CAMTA1: variants seen among roughly 807,000 people sequenced by gnomAD.
CAMTA1 encodes the protein calmodulin binding transcription activator 1.
In CAMTA1, 27 loss-of-function variants were observed where a neutral mutation model predicts 170.9. That is an observed-to-expected ratio of 0.16 (90% CI 0.12 to 0.22). The LOEUF is 0.22. Ranked by LOEUF, CAMTA1 falls within the 10% of genes least tolerant of loss-of-function variation. The pLI is 1.00. For synonymous variants in CAMTA1, 833 were observed against 891.5 expected (o/e 0.93, Z 1.17); for missense variants, 1,619 against 2,217.2 (o/e 0.73, Z 5.42).
In CAMTA1 at chr1:7,063,846, G is replaced by A. The variant is rs960893761; in HGVS notation, c.235-27458G>A. ...TTCTGCCTCCTGAAGTTCATATTTTGTTGGGGGAGAGAGAAAAATAAATTC... is the reference window on the plus strand; with the variant it reads ...TTCTGCCTCCTGAAGTTCATATTTTATTGGGGGAGAGAGAAAAATAAATTC... On this transcript the variant is annotated intron_variant, in intron 3 of 22. Transcript: ENST00000303635. The surrounding 1 kb of genome is among the most constrained non-coding windows in gnomAD (Gnocchi z 4.3). Among the ~76,000 whole-genome samples the A allele has an allele frequency of 6.6e-6, 1 of 152,174 alleles. No homozygotes were observed. Among genetic ancestry groups the A allele is most frequent in the African/African-American group, 2.4e-5 (1 of 41,436 alleles).
chr1:7,419,338 G>A (rs1046431473), intron 5 of CAMTA1, among the ~76,000 whole-genome samples: 2 of 152,190 alleles, frequency 1.3e-5, no homozygotes, highest in South Asian at 4.2e-4. Context: ...TGTATTTTTA[G>A]TAGAGATAGA....
intron 6 of CAMTA1, among the ~76,000 whole-genome samples, chr1:7,468,321 C>T (rs1378525596): frequency 6.6e-6 from 1 of 152,252 alleles, no homozygotes; most frequent in African/African-American, 2.4e-5. Context: ...TTGCCAGGCA[C>T]AGCTGGATTG....
rs147480601 is a variant in CAMTA1, at chr1:7,032,019, G to A, written c.235-59285G>A. ...CCTGCTCTGTTGCCTGGGCTGAAGTGCAGTGGCATGATCTTGGCTCACTGC... is the reference window on the plus strand; with the variant it reads ...CCTGCTCTGTTGCCTGGGCTGAAGTACAGTGGCATGATCTTGGCTCACTGC... On this transcript the variant is annotated intron_variant, in intron 3 of 22. Coordinates refer to ENST00000303635, the MANE Select transcript of CAMTA1 (RefSeq NM_015215.4). Among the ~76,000 whole-genome samples the A allele has an allele frequency of 5.1e-3, 780 of 152,086 alleles. 7 individuals are homozygous for A. Among genetic ancestry groups the A allele is most frequent in the African/African-American group, 0.018 (735 of 41,462 alleles).
At chr1:7,477,847 C>T (rs937762887) in intron 6 of CAMTA1, among the ~76,000 whole-genome samples, 3 of 152,286 alleles carry the variant, frequency 2.0e-5, no homozygotes, top group East Asian at 3.9e-4. Flanking sequence ...CTGCTCCCGC[C>T]GTGTGGACGA....
At chr1:6,978,036 G>A (rs1693765157) in intron 3 of CAMTA1, among the ~76,000 whole-genome samples, 3 of 152,148 alleles carry the variant, frequency 2.0e-5, no homozygotes, top group South Asian at 2.1e-4. Flanking sequence ...GTAGAGGGTA[G>A]AAGGATGGTT....
intron 4 of CAMTA1, among the ~76,000 whole-genome samples, chr1:7,178,646 A>G (rs1418508702): frequency 6.6e-6 from 1 of 152,200 alleles, no homozygotes; most frequent in Non-Finnish European, 1.5e-5. Flanking sequence ...TTGTTCCTGC[A>G]GAAGGAACTC....
chr1:7,664,380 C>G lies in CAMTA1; in HGVS notation c.1833C>G (p.Thr611=). ...QTGHSPHIHQ[T]PSPSFFLQDA... Reference sequence around the variant, plus strand: ...GCCACAGCCCCCACATCCACCAGACCCCCTCCCCGAGCTTCTTCCTGCAGG... The same window carrying G: ...GCCACAGCCCCCACATCCACCAGACGCCCTCCCCGAGCTTCTTCCTGCAGG... Residue 611 remains threonine, a synonymous_variant, in exon 9 of 23, where the codon ACC becomes ACG. Transcript: ENST00000303635. 6.2e-7 allele frequency: 1 copy of G among 1,613,714 alleles called. No homozygotes were observed.
At chr1:7,059,911 G>A (rs1707947303) in intron 3 of CAMTA1, among the ~76,000 whole-genome samples, 1 of 152,154 alleles carries the variant, frequency 6.6e-6, no homozygotes. Flanking sequence ...TGTTTAGAGA[G>A]GAGCAATCTA....
At chr1:7,026,119 TAA>T (rs142217266) in intron 3 of CAMTA1, among the ~76,000 whole-genome samples, 42 of 136,656 alleles carry the variant, frequency 3.1e-4, no homozygotes, top group Non-Finnish European at 2.9e-4. Flanking sequence ...GACCCTGCCT[TAA>T]AAAAAAAAAA....
chr1:7,431,556 G>A (rs879761154), intron 5 of CAMTA1, among the ~76,000 whole-genome samples: 8 of 152,140 alleles, frequency 5.3e-5, no homozygotes, highest in Non-Finnish European at 1.0e-4. Context: ...TTGGCAGATC[G>A]AAGAAGGCAG....
intron 4 of CAMTA1, among the ~76,000 whole-genome samples, chr1:7,095,802 T>C (rs1054590361): frequency 6.6e-6 from 1 of 152,214 alleles, no homozygotes; most frequent in African/African-American, 2.4e-5. Context: ...GGCACACCAC[T>C]GCAGGGGAGC....
At chr1:6,851,016 C>G (rs542428175) in intron 3 of CAMTA1, among the ~76,000 whole-genome samples, 2 of 152,208 alleles carry the variant, frequency 1.3e-5, no homozygotes, top group African/African-American at 4.8e-5. Flanking sequence ...CACTCAGAAC[C>G]TCAGATGAGC....
At chr1:7,122,785 G>A (rs945526343) in intron 4 of CAMTA1, among the ~76,000 whole-genome samples, 3 of 152,288 alleles carry the variant, frequency 2.0e-5, no homozygotes, top group Admixed American at 1.3e-4. Context: ...CCTCCCTGCT[G>A]CTGAAGCCAG....
At chr1:7,670,224 G>A (rs897845859) in intron 9 of CAMTA1, among the ~76,000 whole-genome samples, 1 of 152,170 alleles carries the variant, frequency 6.6e-6, no homozygotes, top group Non-Finnish European at 1.5e-5. Context: ...AGGGTTGGGG[G>A]AGGGGGCAGA....
chr1:7,163,281 G>T (rs1573570742), intron 4 of CAMTA1, among the ~76,000 whole-genome samples: 1 of 139,788 alleles, frequency 7.2e-6, no homozygotes, highest in East Asian at 2.1e-4. Flanking sequence ...GGAGGTGTGG[G>T]TGGCCAGGCT....
At position 6,965,440 on chromosome 1, in the gene CAMTA1, G is replaced by A. The variant is rs963220223; in HGVS notation, c.235-125864G>A. 3.4e-4 allele frequency among the ~76,000 whole-genome samples: 52 copies of A among 152,136 alleles called. 1 individual carries two copies. Among genetic ancestry groups the A allele is most frequent in the African/African-American group, 1.3e-3 (52 of 41,424 alleles). On this transcript the variant is annotated intron_variant, in intron 3 of 22. Coordinates refer to ENST00000303635, the MANE Select transcript of CAMTA1 (RefSeq NM_015215.4). This position sits in a 1 kb window ranked among gnomAD's most constrained non-coding sequence, Gnocchi z 4.1. ...AGGGAGTGCAACCAGCAGACCAAAG[G>A]TAATGCATTTCAGCTGCCTGTGGGG...
intron 1 of CAMTA1, among the ~76,000 whole-genome samples, chr1:6,795,232 A>G (rs1376010242): frequency 6.6e-6 from 1 of 152,114 alleles, no homozygotes; most frequent in African/African-American, 2.4e-5. Flanking sequence ...TGTTGCCCAG[A>G]CTAGAGTGCA....
At chr1:7,549,200 G>A (rs1254934501) in intron 6 of CAMTA1, among the ~76,000 whole-genome samples, 2 of 150,046 alleles carry the variant, frequency 1.3e-5, no homozygotes, top group African/African-American at 4.9e-5. Flanking sequence ...GGTGCCCGTG[G>A]AGGGTGCCCC....
chr1:7,142,387 G>A (rs1645938884), intron 4 of CAMTA1, among the ~76,000 whole-genome samples: 1 of 152,172 alleles, frequency 6.6e-6, no homozygotes, highest in Non-Finnish European at 1.5e-5. Context: ...GCAATGATGG[G>A]GAGACTACCA....
Sources: allele counts gnomAD v4.1 joint callset (sites outside exome capture counted in the v4.1 genomes callset), GRCh38; gene constraint gnomAD v4.1.1; non-coding constraint Gnocchi (gnomAD v3.1); transcripts MANE v1.5; gene names NCBI Gene and HGNC (gene_info 2026-07-23, HGNC 2026-07-21).